The following PCDH15 variants were observed in gnomAD, a reference collection of about 807,000 sequenced individuals.
PCDH15 encodes the protein protocadherin-15.
PCDH15 carries 129 observed loss-of-function variants against 178.5 expected under a neutral mutation model. The observed-to-expected ratio is 0.72, with a 90% CI of 0.63 to 0.84. The LOEUF is 0.84. Ranked by LOEUF, PCDH15 falls within the 40% of genes least tolerant of loss-of-function variation. PCDH15 has a pLI of 0.00. For missense variants in PCDH15, 2,230 were observed against 2,099.9 expected (o/e 1.06, Z -1.21); for synonymous variants, 800 against 732.0 (o/e 1.09, Z -1.50).
chr10:54,736,950 CA>C (rs928056914), intron 1 of PCDH15, among the ~76,000 whole-genome samples: 4 of 151,940 alleles, frequency 2.6e-5, no homozygotes, highest in Non-Finnish European at 2.9e-5. Flanking sequence ...AATCTCTTTC[CA>C]GGGGGGACAA....
chr10:55,493,204 T>C (rs956969528), intron 2 of PCDH15, among the ~76,000 whole-genome samples: 22 of 150,708 alleles, frequency 1.5e-4, no homozygotes, highest in African/African-American at 5.4e-4. Context: ...CAATGAACAC[T>C]AGGTAGAATA....
chr10:54,727,035 G>T (rs114156497), intron 1 of PCDH15, among the ~76,000 whole-genome samples: 1 of 151,074 alleles, frequency 6.6e-6, no homozygotes, highest in African/African-American at 2.4e-5. Flanking sequence ...TTGCTAGAGA[G>T]GTTGACATGA....
chr10:54,348,439 C>A (rs1271741611), intron 5 of PCDH15, among the ~76,000 whole-genome samples: 1 of 152,066 alleles, frequency 6.6e-6, no homozygotes, highest in African/African-American at 2.4e-5. Context: ...TGTTAGTCAG[C>A]TAAATTGCTT....
At position 54,022,999 on chromosome 10, in the gene PCDH15, T is replaced by C. The variant is rs1442545625; in HGVS notation, c.2419A>G (p.Ile807Val). 3.7e-6 allele frequency: 6 copies of C among 1,613,978 alleles called. No homozygotes were observed. The Admixed American group carries it at 8.3e-5, about 22-fold the overall frequency. Residue 807 changes from isoleucine to valine, a missense_variant, in exon 19 of 38, where the codon ATC becomes GTC. Transcript: ENST00000644397. ...TTATCATCAATGTCCAAAACCTTGA[T>C]GGCCAAGGTTAGAGTTGAATGACGA... ...HPRHSTLTLA[I>V]KVLDIDDNSP...
At chr10:55,205,393 C>T (rs1265459065) in intron 1 of PCDH15, among the ~76,000 whole-genome samples, 1 of 151,806 alleles carries the variant, frequency 6.6e-6, no homozygotes, top group African/African-American at 2.4e-5. Context: ...ACAATGATAG[C>T]AACATATGTA....
chr10:54,223,304 CAAAA>C (rs57667414), intron 9 of PCDH15, among the ~76,000 whole-genome samples: 2 of 30,676 alleles, frequency 6.5e-5, no homozygotes, highest in Non-Finnish European at 1.1e-4. Flanking sequence ...AACTACGTCT[CAAAA>C]AAAAAAAAAA....
intron 2 of PCDH15, among the ~76,000 whole-genome samples, chr10:55,076,920 C>A (rs1564776492): frequency 6.6e-6 from 1 of 151,592 alleles, no homozygotes; most frequent in Non-Finnish European, 1.5e-5. Flanking sequence ...AGGCATCTGC[C>A]ACCACGACTG....
rs1425310690 is a variant in PCDH15 at position 55,076,763 on chromosome 10, C to A, written c.-80+89813G>T. Reference sequence around the variant, plus strand: ...ATGAGCCATCATGTGTGGCCTGTGACCTTTTTTTTTTTTTTTTTTTTTTTG... The same window carrying A: ...ATGAGCCATCATGTGTGGCCTGTGAACTTTTTTTTTTTTTTTTTTTTTTTG... On this transcript the variant is annotated intron_variant, in intron 2 of 5. Coordinates refer to the PCDH15 transcript ENST00000458638. 2.1e-5 allele frequency among the ~76,000 whole-genome samples: 3 copies of A among 141,254 alleles called. No homozygotes were observed. In the East Asian group the frequency reaches 6.5e-4, roughly 30 times the overall value. The allele number at this position is 141,254 out of a possible 152,430, so 92.7% of individuals were successfully genotyped here.
chr10:53,958,072 C>A (rs1357004803), intron 23 of PCDH15, among the ~76,000 whole-genome samples: 1 of 152,090 alleles, frequency 6.6e-6, no homozygotes, highest in Non-Finnish European at 1.5e-5. Flanking sequence ...GCAGATGTAT[C>A]CCTCACCTAC....
chr10:55,220,086 C>A (rs912444214), intron 1 of PCDH15, among the ~76,000 whole-genome samples: 1 of 151,744 alleles, frequency 6.6e-6, no homozygotes, highest in Non-Finnish European at 1.5e-5. Context: ...GGCTAATTAC[C>A]CTAAAACATT....
rs187048575 is a variant in PCDH15, at chr10:54,971,030, A to T, written c.-79-73530T>A. 4.7e-3 allele frequency among the ~76,000 whole-genome samples: 718 copies of T among 152,262 alleles called. 5 individuals are homozygous for T. The highest frequency in any genetic ancestry group is 0.017 in the African/African-American group (695 of 41,550). ...CTTGAGCCAAACCCATATCTAATTTAGATGAGACTCTAGACTTTAGGATTT... is the reference window on the plus strand; with the variant it reads ...CTTGAGCCAAACCCATATCTAATTTTGATGAGACTCTAGACTTTAGGATTT... On this transcript the variant is annotated intron_variant, in intron 2 of 5. Transcript: ENST00000458638.
intron 1 of PCDH15, among the ~76,000 whole-genome samples, chr10:54,677,145 A>G (rs1193131515): frequency 6.6e-6 from 1 of 152,112 alleles, no homozygotes; most frequent in Non-Finnish European, 1.5e-5. Flanking sequence ...GTCAACATAA[A>G]AGAATGGATT....
chr10:55,099,184 T>G (rs1344803080), intron 2 of PCDH15, among the ~76,000 whole-genome samples: 2 of 152,086 alleles, frequency 1.3e-5, no homozygotes, highest in African/African-American at 2.4e-5. Context: ...TTTATGTTGG[T>G]TTTCCCTATG....
chr10:54,028,681 C>T lies in PCDH15; in HGVS notation c.2221-5484G>A, dbSNP rs567017139. ...GAAATCATCATTCTCAGTAAACTAT[C>T]GCAAGAACAAAAAACCAAACACCGC... On this transcript the variant is annotated intron_variant, in intron 18 of 37. Transcript: ENST00000644397. Among the ~76,000 whole-genome samples, 367 of 148,278 alleles carry T rather than the reference C, an allele frequency of 2.5e-3. 3 individuals are homozygous for T. The highest frequency in any genetic ancestry group is 8.7e-3 in the African/African-American group (347 of 39,898).
At chr10:54,398,561 A>G (rs552619188) in intron 3 of PCDH15, among the ~76,000 whole-genome samples, 7 of 152,174 alleles carry the variant, frequency 4.6e-5, no homozygotes, top group Non-Finnish European at 8.8e-5. Context: ...AAGACCACTT[A>G]TGTGATCTTA....
At chr10:55,529,894 A>G (rs2132062241) in intron 2 of PCDH15, among the ~76,000 whole-genome samples, 1 of 150,718 alleles carries the variant, frequency 6.6e-6, no homozygotes, top group East Asian at 2.0e-4. Context: ...TGCTACGTTA[A>G]TGCTCCTCAA....
At chr10:53,815,356 T>C (rs1232849559) in intron 35 of PCDH15, among the ~76,000 whole-genome samples, 1 of 152,224 alleles carries the variant, frequency 6.6e-6, no homozygotes, top group Non-Finnish European at 1.5e-5. Flanking sequence ...TAGATATTAC[T>C]GCTAACATTT....
intron 17 of PCDH15, among the ~76,000 whole-genome samples, chr10:54,071,062 C>T (rs189919063): frequency 6.6e-6 from 1 of 152,210 alleles, no homozygotes; most frequent in East Asian, 1.9e-4. Context: ...TCTAGTATTT[C>T]CTATCTCAGG....
intron 16 of PCDH15, among the ~76,000 whole-genome samples, chr10:54,079,757 C>T (rs1467924898): frequency 6.6e-6 from 1 of 152,082 alleles, no homozygotes; most frequent in Admixed American, 6.6e-5. Flanking sequence ...CTTCATTATT[C>T]CTTAGCAGTC....
Sources: allele counts gnomAD v4.1 joint callset (sites outside exome capture counted in the v4.1 genomes callset), GRCh38; gene constraint gnomAD v4.1.1; transcripts MANE v1.5; gene names NCBI Gene and HGNC (gene_info 2026-07-23, HGNC 2026-07-21).